The following ECT2L variants were observed in gnomAD, a reference collection of about 807,000 sequenced individuals.
The protein encoded by ECT2L is epithelial cell transforming 2 like, also known as epithelial cell-transforming sequence 2 oncogene-like.
A neutral mutation model predicts 122.8 loss-of-function variants in ECT2L; 126 were observed. The ratio of observed to expected loss-of-function variants is 1.03; its 90% CI spans 0.89 to 1.19. The LOEUF is 1.19. Ranked by LOEUF, ECT2L falls within the 50% of genes most tolerant of loss-of-function variation. ECT2L has a pLI of 0.00. For synonymous variants in ECT2L, 385 were observed against 381.8 expected (o/e 1.01, Z -0.10); for missense variants, 1,012 against 1,064.1 (o/e 0.95, Z 0.68).
intron 9 of ECT2L, among the ~76,000 whole-genome samples, chr6:138,850,174 CTT>C (rs1426577640): frequency 4.0e-5 from 6 of 150,754 alleles, no homozygotes; most frequent in Non-Finnish European, 8.8e-5. Flanking sequence ...GAGTCTTGCT[CTT>C]GTCGCCCAGG....
intron 4 of ECT2L, among the ~76,000 whole-genome samples, chr6:138,836,123 G>A (rs1776828882): frequency 6.6e-6 from 1 of 151,986 alleles, no homozygotes; most frequent in Admixed American, 6.6e-5. Context: ...CATAGCTGGA[G>A]ATTACATCCC....
intron 5 of ECT2L, among the ~76,000 whole-genome samples, chr6:138,842,360 CT>C (rs1216618609): frequency 6.6e-6 from 1 of 152,122 alleles, no homozygotes; most frequent in Non-Finnish European, 1.5e-5. Context: ...ACTCAGGAGG[CT>C]GAGGCAAGAG....
intron 5 of ECT2L, 121 bp from the exon 6 acceptor site, chr6:138,842,858 C>A: frequency 1.1e-6 from 1 of 918,748 alleles, no homozygotes; most frequent in Non-Finnish European, 1.5e-6. Flanking sequence ...CATACAAATT[C>A]TCAGAGATTT....
At chr6:138,886,003 A>T (rs1232586017) in intron 18 of ECT2L, among the ~76,000 whole-genome samples, 173 bp downstream of exon 18, 1 of 152,168 alleles carries the variant, frequency 6.6e-6, no homozygotes. Flanking sequence ...CACTAAGGGC[A>T]TCTATTCTAA....
At chr6:138,884,316 C>CT (rs1171410114) in intron 16 of ECT2L, among the ~76,000 whole-genome samples, 2 of 152,060 alleles carry the variant, frequency 1.3e-5, no homozygotes, top group African/African-American at 4.8e-5. Context: ...TACGGGTGCT[C>CT]TAATAGTGAT....
At chr6:138,843,779 T>C (rs977902137) in intron 6 of ECT2L, among the ~76,000 whole-genome samples, 7 of 152,186 alleles carry the variant, frequency 4.6e-5, no homozygotes, top group African/African-American at 1.7e-4. Flanking sequence ...AGCCTCGATT[T>C]CTGAGGCTCA....
intron 5 of ECT2L, among the ~76,000 whole-genome samples, chr6:138,842,560 A>C (rs1777077109): frequency 6.6e-6 from 1 of 152,172 alleles, no homozygotes; most frequent in Non-Finnish European, 1.5e-5. Context: ...TCACGAGGTC[A>C]GGAGATGGAG....
At chr6:138,831,761 G>C (rs112246442) in intron 4 of ECT2L, among the ~76,000 whole-genome samples, 5 of 152,154 alleles carry the variant, frequency 3.3e-5, no homozygotes, top group African/African-American at 1.2e-4. Context: ...ATGTAAGAAG[G>C]GATTCAAAAT....
chr6:138,830,583 T>C (rs1271858775), intron 4 of ECT2L, among the ~76,000 whole-genome samples: 1 of 152,178 alleles, frequency 6.6e-6, no homozygotes, highest in Admixed American at 6.5e-5. Context: ...TAAGTCCGTA[T>C]AGCTGCCTCC....
At chr6:138,851,087 A>G (rs577616977) in intron 9 of ECT2L, among the ~76,000 whole-genome samples, 1 of 151,124 alleles carries the variant, frequency 6.6e-6, no homozygotes, top group Non-Finnish European at 1.5e-5. Flanking sequence ...CAGTTGCATC[A>G]TTTCATAATC....
chr6:138,797,861 C>A (rs912272691), intron 1 of ECT2L, among the ~76,000 whole-genome samples: 4 of 152,046 alleles, frequency 2.6e-5, no homozygotes, highest in African/African-American at 9.7e-5. Flanking sequence ...AAAAGACTGC[C>A]CCCCACTTCA....
At chr6:138,827,941 T>A (rs921687839) in intron 4 of ECT2L, among the ~76,000 whole-genome samples, 1 of 66,576 alleles carries the variant, frequency 1.5e-5, no homozygotes, top group South Asian at 7.8e-4. Flanking sequence ...TATAAAGGAC[T>A]ATTTTTTTTT....
intron 20 of ECT2L, among the ~76,000 whole-genome samples, chr6:138,889,489 T>G (rs1438680034): frequency 2.0e-5 from 3 of 152,118 alleles, no homozygotes; most frequent in Non-Finnish European, 4.4e-5. Context: ...CCAGCTAATT[T>G]TTGTATTTTT....
intron 8 of ECT2L, among the ~76,000 whole-genome samples, chr6:138,847,836 G>A (rs1000561274): frequency 1.3e-5 from 2 of 152,104 alleles, no homozygotes; most frequent in African/African-American, 2.4e-5. Flanking sequence ...GAACATTTGT[G>A]AGCGTGTGTA....
chr6:138,819,263 C>T (rs895735712), intron 4 of ECT2L, among the ~76,000 whole-genome samples: 3 of 148,368 alleles, frequency 2.0e-5, no homozygotes, highest in Non-Finnish European at 3.0e-5. Flanking sequence ...GAAATCATTG[C>T]GTTTTAAAAG....
chr6:138,800,441 C>T (rs1775502757), intron 1 of ECT2L, among the ~76,000 whole-genome samples: 3 of 152,190 alleles, frequency 2.0e-5, no homozygotes, highest in Admixed American at 6.5e-5. Flanking sequence ...CTGGTGACTG[C>T]TGTATTGTAA....
intron 13 of ECT2L, among the ~76,000 whole-genome samples, chr6:138,870,624 A>C (rs2128402268): frequency 6.6e-6 from 1 of 151,720 alleles, no homozygotes; most frequent in Non-Finnish European, 1.5e-5. Flanking sequence ...AGAGAACTTA[A>C]GGGGAATTTT....
At position 138,853,584 on chromosome 6, in the gene ECT2L, C is replaced by T. The variant is rs186940094; in HGVS notation, c.1070-442C>T. On this transcript the variant is annotated intron_variant, in intron 9 of 21. Transcript: ENST00000541398. ...TAGTGGAATCATCACACAGAATTGT[C>T]GGGAAGTGAGAGAAAAGGAGAGTTT... Among the ~76,000 whole-genome samples, 257 of 152,202 alleles carry T rather than the reference C, an allele frequency of 1.7e-3. 1 individual carries two copies. The highest frequency in any genetic ancestry group is 5.8e-3 in the African/African-American group (242 of 41,524).
In ECT2L at chr6:138,833,413, C is replaced by T. The variant is rs527276659; in HGVS notation, c.180-4939C>T. On this transcript the variant is annotated intron_variant, in intron 4 of 21. Coordinates refer to ENST00000541398, the MANE Select transcript of ECT2L (RefSeq NM_001077706.3). ...TTAATCATTGTTTTAGGAAAAACCCCTAGAAGACGAATTGTTGGATCCAAA... is the reference window on the plus strand; with the variant it reads ...TTAATCATTGTTTTAGGAAAAACCCTTAGAAGACGAATTGTTGGATCCAAA... Among the ~76,000 whole-genome samples, 3 of 152,170 alleles carry T rather than the reference C, an allele frequency of 2.0e-5. No homozygotes were observed. In the East Asian group the frequency reaches 5.8e-4, roughly 29 times the overall value.
Sources: allele counts gnomAD v4.1 joint callset (sites outside exome capture counted in the v4.1 genomes callset), GRCh38; gene constraint gnomAD v4.1.1; transcripts MANE v1.5; gene names NCBI Gene and HGNC (gene_info 2026-07-23, HGNC 2026-07-21).